The following CCDC138 variants were observed in gnomAD, a reference collection of about 807,000 sequenced individuals.
CCDC138 encodes the protein coiled-coil domain-containing protein 138.
CCDC138 carries 66 observed loss-of-function variants against 82.3 expected under a neutral mutation model. The observed-to-expected ratio is 0.80, with a 90% CI of 0.66 to 0.98. The LOEUF (loss-of-function observed/expected upper bound fraction) is 0.98, where lower values mean the gene tolerates loss of function less well. Ranked by LOEUF, CCDC138 falls within the 50% of genes least tolerant of loss-of-function variation. CCDC138 has a pLI of 0.00. For missense variants in CCDC138, 816 were observed against 758.9 expected (o/e 1.08, Z -0.88); for synonymous variants, 297 against 265.4 (o/e 1.12, Z -1.16).
Position 108,795,150 on chromosome 2 carries a change from A to ATTTTTTTT in CCDC138, c.576+444_576+451dup, listed in dbSNP as rs11458525. Among the ~76,000 whole-genome samples, 279 of 85,002 alleles carry ATTTTTTTT rather than the reference A, an allele frequency of 3.3e-3. 6 individuals are homozygous for ATTTTTTTT. The highest frequency in any genetic ancestry group is 4.8e-3 in the East Asian group (13 of 2,718). 55.8% of individuals were successfully genotyped at this position (85,002 alleles called of 152,430 possible). A position where few individuals can be genotyped will look rare whatever the true frequency, so the allele number is the denominator to read the frequency against. ...TTCGGGTTTTTTGTTTCTAAAGTGT[A>ATTTTTTTT]TTTTTTTTTTTTTTTTTTTTTTGCG... On this transcript the variant is annotated intron_variant, in intron 5 of 14. Transcript: ENST00000295124.
intron 4 of CCDC138, among the ~76,000 whole-genome samples, chr2:108,793,672 C>CT (rs1214564360): frequency 6.6e-6 from 1 of 151,720 alleles, no homozygotes; most frequent in Non-Finnish European, 1.5e-5. Context: ...TCTGGGCTCA[C>CT]TGTAAGCTCC....
rs183175023 is a variant in CCDC138 at position 108,827,902 on chromosome 2, C to T, written c.1207-11283C>T. On this transcript the variant is annotated intron_variant, in intron 10 of 14. Transcript: ENST00000295124. Reference sequence around the variant, plus strand: ...TCCTGAAAAAAATTCATCAGAGATTCCATTCCCATTCCCATATGTAAACAT... The same window carrying T: ...TCCTGAAAAAAATTCATCAGAGATTTCATTCCCATTCCCATATGTAAACAT... Among the ~76,000 whole-genome samples the T allele has an allele frequency of 1.9e-3, 285 of 151,724 alleles. 3 individuals are homozygous for T. Among genetic ancestry groups the T allele is most frequent in the African/African-American group, 6.7e-3 (276 of 41,370 alleles).
chr2:108,827,592 G>A (rs1022693680), intron 10 of CCDC138, among the ~76,000 whole-genome samples: 2 of 134,496 alleles, frequency 1.5e-5, no homozygotes, highest in Admixed American at 7.3e-5. Context: ...CAAGGTGGGC[G>A]GATCACGAGG....
chr2:108,832,919 C>T (rs959703160), intron 10 of CCDC138, among the ~76,000 whole-genome samples: 1 of 152,198 alleles, frequency 6.6e-6, no homozygotes, highest in South Asian at 2.1e-4. Context: ...TGTCATCCCA[C>T]AGATAAGAGG....
intron 9 of CCDC138, among the ~76,000 whole-genome samples, chr2:108,814,466 G>A (rs938524111): frequency 6.6e-6 from 1 of 151,950 alleles, no homozygotes; most frequent in African/African-American, 2.4e-5. Context: ...TCTAAAGGGA[G>A]TTAGTTTCTA....
Position 108,794,547 on chromosome 2 carries a change from G to C in CCDC138, c.402G>C (p.Leu134Phe). 6.3e-7 allele frequency: 1 copy of C among 1,594,338 alleles called. No homozygotes were observed. Among genetic ancestry groups the C allele is most frequent in the East Asian group, 2.2e-5 (1 of 44,592 alleles). Reference protein sequence around the residue: ...QSFKEIEKVALPTNTTSSRPR... With the variant: ...QSFKEIEKVAFPTNTTSSRPR... ...ATGTTATTTTCTTTGCAGTTGCCTT[G>C]CCAACTAATACGACCTCATCGAGAC... Residue 134 changes from leucine (L) to phenylalanine (F), a missense_variant, in exon 5 of 15, where the codon TTG (leucine) becomes TTC (phenylalanine). Leu to Phe is a conservative substitution (Grantham distance 22, BLOSUM62 0). Transcript: ENST00000295124.
chr2:108,853,448 G>A (rs1467941162), intron 12 of CCDC138, among the ~76,000 whole-genome samples: 1 of 151,556 alleles, frequency 6.6e-6, no homozygotes. Context: ...CAATATATGT[G>A]TACCAATTTA....
At chr2:108,813,559 A>G (rs1285785598) in intron 9 of CCDC138, among the ~76,000 whole-genome samples, 4 of 152,222 alleles carry the variant, frequency 2.6e-5, no homozygotes, top group African/African-American at 9.7e-5. Flanking sequence ...ATTTCAGTCA[A>G]GACTACAACC....
At chr2:108,882,924 TTATA>T (rs1287975836) in intron 2 of CCDC138, 6 of 152,130 alleles carry the variant, frequency 3.9e-5, no homozygotes, top group African/African-American at 9.7e-5. Context: ...CTTGTCTTCT[TTATA>T]TAGGAGCATC....
Position 108,837,670 on chromosome 2 carries a change from A to G in CCDC138, c.1207-1515A>G, listed in dbSNP as rs114442066. On this transcript the variant is annotated intron_variant, in intron 10 of 14. Transcript: ENST00000295124. ...CCAGTTACATAAAAGAATAGCACACACAGCTATGTAGAGTACATAATACTT... is the reference window on the plus strand; with the variant it reads ...CCAGTTACATAAAAGAATAGCACACGCAGCTATGTAGAGTACATAATACTT... Among the ~76,000 whole-genome samples the G allele has an allele frequency of 4.5e-3, 681 of 152,338 alleles. 4 individuals carry two copies. Among genetic ancestry groups the G allele is most frequent in the African/African-American group, 0.016 (658 of 41,588 alleles).
intron 7 of CCDC138, among the ~76,000 whole-genome samples, chr2:108,809,487 T>TGA (rs1683432126): frequency 2.1e-5 from 3 of 142,888 alleles, no homozygotes; most frequent in African/African-American, 5.1e-5. Context: ...TGTGTGTGTG[T>TGA]GATCTTCAGT....
Position 108,788,034 on chromosome 2 carries a change from T to C in CCDC138, c.96T>C (p.Tyr32=), listed in dbSNP as rs1442208721. 1 of 1,554,902 alleles carries C rather than the reference T, an allele frequency of 6.4e-7. No homozygotes were observed. The highest frequency in any genetic ancestry group is 8.7e-7 in the Non-Finnish European group (1 of 1,148,036). ...YGLGGSCPDE[Y]DFSNFYQSKY... ...AAATCTTTTCTTTTTTTTTTTAGTA[T>C]GATTTTTCAAATTTTTATCAGTCTA... Residue 32 remains tyrosine (Y), a splice_region_variant and synonymous_variant, in exon 2 of 15, where the codon TAT becomes TAC. Transcript: ENST00000295124.
chr2:108,829,920 A>T (rs1402950236), intron 10 of CCDC138, among the ~76,000 whole-genome samples: 1 of 152,188 alleles, frequency 6.6e-6, no homozygotes, highest in Non-Finnish European at 1.5e-5. Flanking sequence ...TTACTTCTGG[A>T]TATATATTCA....
At chr2:108,873,334 A>G in intron 13 of CCDC138, 117 bp from the exon 14 acceptor site, 1 of 968,878 alleles carries the variant, frequency 1.0e-6, no homozygotes, top group African/African-American at 1.7e-5. Flanking sequence ...AAGTATGAAA[A>G]GAATGAAAAT....
intron 7 of CCDC138, among the ~76,000 whole-genome samples, chr2:108,810,286 A>G (rs1476391531): frequency 6.6e-6 from 1 of 152,214 alleles, no homozygotes; most frequent in Non-Finnish European, 1.5e-5. Context: ...TGTTTGTTAT[A>G]TATAGCTTTT....
At chr2:108,863,295 A>ATG (rs1693915500) in intron 13 of CCDC138, among the ~76,000 whole-genome samples, 1 of 152,198 alleles carries the variant, frequency 6.6e-6, no homozygotes, top group Non-Finnish European at 1.5e-5. Context: ...CATACATATC[A>ATG]TCTGTTTTCT....
intron 7 of CCDC138, among the ~76,000 whole-genome samples, chr2:108,805,653 G>C (rs2149694476): frequency 6.6e-6 from 1 of 152,220 alleles, no homozygotes; most frequent in East Asian, 1.9e-4. Flanking sequence ...CGTGAACCCA[G>C]GAGGCGGAGC....
At chr2:108,881,021 T>C (rs1300592582), downstream of CCDC138, among the ~76,000 whole-genome samples, 1 of 152,214 alleles carries the variant, frequency 6.6e-6, no homozygotes, top group Non-Finnish European at 1.5e-5. Context: ...CTTTGAGGGG[T>C]TTAAGACTTC....
chr2:108,859,892 C>A (rs1233419309), intron 13 of CCDC138, among the ~76,000 whole-genome samples: 1 of 151,840 alleles, frequency 6.6e-6, no homozygotes, highest in African/African-American at 2.4e-5. Context: ...TTGCTTTAGG[C>A]AATATAACCA....
Sources: allele counts gnomAD v4.1 joint callset (sites outside exome capture counted in the v4.1 genomes callset), GRCh38; gene constraint gnomAD v4.1.1; transcripts MANE v1.5; gene names NCBI Gene and HGNC (gene_info 2026-07-23, HGNC 2026-07-21).